The following KALRN variants were observed in gnomAD, a reference collection of about 807,000 sequenced individuals.
The protein encoded by KALRN is kalirin.
A neutral mutation model predicts 353.7 loss-of-function variants in KALRN; 70 were observed. The observed-to-expected ratio is 0.20, with a 90% CI of 0.16 to 0.24. The LOEUF is 0.24. KALRN is among the 10% of genes least tolerant of loss of function. KALRN has a pLI of 1.00. For missense variants in KALRN, 2,791 were observed against 3,756.7 expected (o/e 0.74, Z 6.72); for synonymous variants, 1,391 against 1,434.8 (o/e 0.97, Z 0.69).
intron 44 of KALRN, 104 bp downstream of exon 44, chr3:124,661,077 C>T: frequency 1.1e-6 from 1 of 882,270 alleles, no homozygotes; most frequent in Non-Finnish European, 1.9e-6. Context: ...TCCAGGTGGA[C>T]CCCTCTCAGA....
intron 34 of KALRN, among the ~76,000 whole-genome samples, chr3:124,582,504 G>C (rs2074729117): frequency 6.6e-6 from 1 of 152,128 alleles, no homozygotes; most frequent in Non-Finnish European, 1.5e-5. Flanking sequence ...TTCCAAAGGG[G>C]TGAAGCTTTT....
intron 10 of KALRN, among the ~76,000 whole-genome samples, chr3:124,372,681 A>G (rs902476963): frequency 3.3e-5 from 5 of 152,068 alleles, no homozygotes; most frequent in African/African-American, 7.2e-5. Context: ...TGAGTGGGTA[A>G]TACTCTATCA....
chr3:124,077,101 C>T (rs553870090), intron 1 of KALRN, among the ~76,000 whole-genome samples: 1 of 152,342 alleles, frequency 6.6e-6, no homozygotes, highest in Non-Finnish European at 1.5e-5. Context: ...AGAATCACTA[C>T]CTGTGGCCTC....
chr3:124,707,446 C>CTTCT, intron 57 of KALRN, among the ~76,000 whole-genome samples: 1 of 145,762 alleles, frequency 6.9e-6, no homozygotes, highest in Non-Finnish European at 1.5e-5. Flanking sequence ...TCCTTCCTTC[C>CTTCT]CTCCTTCCTT....
At chr3:124,605,415 G>T (rs139021787) in intron 34 of KALRN, among the ~76,000 whole-genome samples, 6,963 of 151,194 alleles carry the variant, frequency 0.046, 202 homozygotes, top group Middle Eastern at 0.15. Flanking sequence ...TCTACTAAAA[G>T]TACAAAAATT....
At chr3:124,046,344 T>C (rs946222855) in intron 1 of KALRN, among the ~76,000 whole-genome samples, 6 of 152,186 alleles carry the variant, frequency 3.9e-5, no homozygotes, top group Non-Finnish European at 7.3e-5. Context: ...GAATGGATGG[T>C]CACCTTTTCT....
intron 34 of KALRN, among the ~76,000 whole-genome samples, chr3:124,603,147 A>T (rs1172872117): frequency 6.6e-6 from 1 of 152,152 alleles, no homozygotes; most frequent in Admixed American, 6.5e-5. Flanking sequence ...CCTGGCATAC[A>T]CACACAGACT....
At chr3:124,704,708 C>T (rs1413879641) in intron 57 of KALRN, among the ~76,000 whole-genome samples, 2 of 151,940 alleles carry the variant, frequency 1.3e-5, no homozygotes, top group African/African-American at 4.8e-5. Flanking sequence ...CCATCACAGC[C>T]AGCTAATTTT....
intron 37 of KALRN, among the ~76,000 whole-genome samples, chr3:124,649,093 GC>G: frequency 6.6e-6 from 1 of 152,108 alleles, no homozygotes; most frequent in African/African-American, 2.4e-5. Context: ...TTCATGTTTA[GC>G]CCTTGGCACA....
chr3:124,362,716 A>G (rs1463558028), intron 10 of KALRN, among the ~76,000 whole-genome samples: 1 of 152,272 alleles, frequency 6.6e-6, no homozygotes, highest in Non-Finnish European at 1.5e-5. Flanking sequence ...ACTTTGGCTC[A>G]TCACCTGCCT....
intron 9 of KALRN, among the ~76,000 whole-genome samples, chr3:124,344,344 T>C (rs981299837): frequency 1.3e-5 from 2 of 152,248 alleles, no homozygotes; most frequent in African/African-American, 4.8e-5. Flanking sequence ...ACTGCTGATG[T>C]CTGCTCAGGA....
chr3:124,506,201 T>C (rs2065205525), intron 33 of KALRN, among the ~76,000 whole-genome samples: 1 of 152,196 alleles, frequency 6.6e-6, no homozygotes, highest in African/African-American at 2.4e-5. Flanking sequence ...TGAGAGCTCT[T>C]CTTTTGGGGA....
chr3:124,051,487 T>G (rs902496848), intron 1 of KALRN, among the ~76,000 whole-genome samples: 1 of 152,230 alleles, frequency 6.6e-6, no homozygotes, highest in Admixed American at 6.5e-5. Flanking sequence ...TGGGTTTTCA[T>G]GAACATATGT....
intron 25 of KALRN, among the ~76,000 whole-genome samples, chr3:124,473,944 C>T (rs369742468): frequency 3.3e-5 from 5 of 152,088 alleles, no homozygotes; most frequent in Admixed American, 6.5e-5. Context: ...ATAAAGCATG[C>T]TGGCTTGTTA....
chr3:124,532,292 A>G (rs1363922856), intron 33 of KALRN, among the ~76,000 whole-genome samples: 5 of 152,248 alleles, frequency 3.3e-5, no homozygotes, highest in Non-Finnish European at 1.5e-5. Context: ...TAGAAATCAC[A>G]TAGTTACTCC....
chr3:124,373,721 A>G (rs1394191758), intron 10 of KALRN, among the ~76,000 whole-genome samples: 1 of 152,136 alleles, frequency 6.6e-6, no homozygotes, highest in Non-Finnish European at 1.5e-5. Context: ...ATATGAATGA[A>G]CACCAGTCAT....
chr3:124,053,022 T>G (rs1021195157), intron 1 of KALRN, among the ~76,000 whole-genome samples: 6 of 151,992 alleles, frequency 3.9e-5, no homozygotes. Flanking sequence ...GGAGTTGGAT[T>G]TTATATTCTA....
At chr3:124,066,705 C>A (rs1283403776) in intron 1 of KALRN, among the ~76,000 whole-genome samples, 1 of 152,102 alleles carries the variant, frequency 6.6e-6, no homozygotes, top group African/African-American at 2.4e-5. Flanking sequence ...CTGAGCTCAG[C>A]AGAATTCCAG....
chr3:124,226,179 C>A (rs2078479920), intron 1 of KALRN, among the ~76,000 whole-genome samples: 1 of 152,068 alleles, frequency 6.6e-6, no homozygotes, highest in Non-Finnish European at 1.5e-5. Context: ...GCCAAGGAAG[C>A]TGAAATGTCT....
Sources: gnomAD v4.1 joint callset for allele counts (sites outside exome capture counted in the v4.1 genomes callset) on GRCh38, gnomAD v4.1.1 for gene constraint, MANE v1.5 for transcripts, NCBI Gene and HGNC (gene_info 2026-07-23, HGNC 2026-07-21) for gene names.